NRCAM: variants seen among roughly 807,000 people sequenced by gnomAD.
NRCAM encodes neuronal cell adhesion molecule.
A neutral mutation model predicts 156.5 loss-of-function variants in NRCAM; 83 were observed. That is an observed-to-expected ratio of 0.53 (90% CI 0.44 to 0.64). The LOEUF (loss-of-function observed/expected upper bound fraction) is 0.64. Ranked by LOEUF, NRCAM falls within the 30% of genes least tolerant of loss-of-function variation. The pLI is 0.00. For missense variants in NRCAM, 1,417 were observed against 1,597.3 expected (o/e 0.89, Z 1.92); for synonymous variants, 538 against 563.9 (o/e 0.95, Z 0.65).
chr7:108,185,133 C>T (rs1321245236), intron 20 of NRCAM, among the ~76,000 whole-genome samples: 2 of 152,080 alleles, frequency 1.3e-5, no homozygotes, highest in African/African-American at 2.4e-5. Context: ...TAACACACTT[C>T]GTTGACTATG....
chr7:108,348,905 GAA>G (rs60746037), intron 2 of NRCAM, among the ~76,000 whole-genome samples: 32,641 of 126,078 alleles, frequency 0.26, 4,152 homozygotes, highest in East Asian at 0.45. Context: ...TCCATCTCAG[GAA>G]AAAAAAAAAA....
chr7:108,397,253 A>G (rs898067567), intron 2 of NRCAM, among the ~76,000 whole-genome samples: 5 of 152,208 alleles, frequency 3.3e-5, no homozygotes, highest in African/African-American at 7.2e-5. Flanking sequence ...GTGGACCTTT[A>G]AAGTTCCTGA....
chr7:108,237,666 G>T, intron 5 of NRCAM, 86 bp downstream of exon 5: 1 of 965,090 alleles, frequency 1.0e-6, no homozygotes, highest in Non-Finnish European at 1.5e-6. Context: ...ACATGAAATT[G>T]TGCATTTAAA....
intron 2 of NRCAM, among the ~76,000 whole-genome samples, chr7:108,370,651 A>G (rs530913806): frequency 6.6e-6 from 1 of 152,232 alleles, no homozygotes; most frequent in East Asian, 1.9e-4. Flanking sequence ...TATAATAAAT[A>G]ACTTGTTTTG....
chr7:108,266,485 C>T (rs1422260025), intron 3 of NRCAM, among the ~76,000 whole-genome samples: 1 of 152,196 alleles, frequency 6.6e-6, no homozygotes, highest in Non-Finnish European at 1.5e-5. Flanking sequence ...AGCCACTGCA[C>T]ATGAGGTTTA....
chr7:108,256,100 C>T (rs1182201380), intron 3 of NRCAM, among the ~76,000 whole-genome samples: 113 of 152,232 alleles, frequency 7.4e-4, no homozygotes, highest in African/African-American at 2.6e-3. Context: ...CCCCTCTGCC[C>T]GGCCGCCACC....
chr7:108,443,669 T>G (rs1841111795), intron 1 of NRCAM, among the ~76,000 whole-genome samples: 1 of 152,114 alleles, frequency 6.6e-6, no homozygotes, highest in African/African-American at 2.4e-5. Flanking sequence ...GTGATGAAAA[T>G]TTACACTTGA....
intron 1 of NRCAM, among the ~76,000 whole-genome samples, chr7:108,416,678 T>C (rs896191659): frequency 1.3e-5 from 2 of 152,248 alleles, no homozygotes; most frequent in Non-Finnish European, 2.9e-5. Flanking sequence ...TTGAATTTCA[T>C]GTCTGTATAG....
intron 3 of NRCAM, among the ~76,000 whole-genome samples, chr7:108,248,252 G>T (rs184068961): frequency 3.0e-4 from 45 of 152,242 alleles, no homozygotes; most frequent in African/African-American, 1.0e-3. Context: ...TGGCAAAATG[G>T]CAGCCATTTA....
At chr7:108,399,410 CA>C (rs2099785641) in intron 2 of NRCAM, 25 bp downstream of exon 2, 1 of 152,152 alleles carries the variant, frequency 6.6e-6, no homozygotes, top group South Asian at 2.1e-4. Flanking sequence ...CTTGTAAAGA[CA>C]AAGAGAGAAC....
intron 28 of NRCAM, among the ~76,000 whole-genome samples, chr7:108,172,213 T>G (rs974832417): frequency 2.6e-5 from 4 of 152,166 alleles, no homozygotes; most frequent in African/African-American, 9.7e-5. Context: ...GCCTGCACAT[T>G]TTTGGTTCAT....
chr7:108,313,247 T>G (rs1178475366), intron 2 of NRCAM: 1 of 152,198 alleles, frequency 6.6e-6, no homozygotes, highest in Non-Finnish European at 1.5e-5. Flanking sequence ...TCCCAAGTTC[T>G]GCAGTCTCCA....
chr7:108,448,655 GCA>G (rs1847084273), intron 1 of NRCAM, among the ~76,000 whole-genome samples: 1 of 152,018 alleles, frequency 6.6e-6, no homozygotes, highest in Non-Finnish European at 1.5e-5. Flanking sequence ...TTCTAGTGAT[GCA>G]CACACTAGAA....
chr7:108,154,212 A>G (rs2043453533), intron 32 of NRCAM, among the ~76,000 whole-genome samples: 1 of 152,176 alleles, frequency 6.6e-6, no homozygotes, highest in Admixed American at 6.5e-5. Context: ...TGGTGCAGAG[A>G]TAGACAGATT....
At chr7:108,436,041 G>A (rs1831721598) in intron 1 of NRCAM, among the ~76,000 whole-genome samples, 1 of 152,266 alleles carries the variant, frequency 6.6e-6, no homozygotes, top group Admixed American at 6.5e-5. Flanking sequence ...GGCTGAGGCA[G>A]GAGAATGGCG....
At chr7:108,239,820 GAAGGTAA>G (rs2095414594) in intron 4 of NRCAM, 132 bp downstream of exon 4, 2 of 545,510 alleles carry the variant, frequency 3.7e-6, no homozygotes, top group Non-Finnish European at 6.5e-6. Context: ...ACCAGGTGCT[GAAGGTAA>G]AAGCCAAATT....
At chr7:108,350,980 C>T (rs1279970683) in intron 2 of NRCAM, among the ~76,000 whole-genome samples, 1 of 152,064 alleles carries the variant, frequency 6.6e-6, no homozygotes, top group Non-Finnish European at 1.5e-5. Flanking sequence ...CTGAACAGAG[C>T]CTAGCACAGA....
chr7:108,363,754 C>G (rs1472378522), intron 2 of NRCAM, among the ~76,000 whole-genome samples: 1 of 152,202 alleles, frequency 6.6e-6, no homozygotes, highest in Non-Finnish European at 1.5e-5. Context: ...CACTCTACCT[C>G]TGTGGCCTTA....
intron 16 of NRCAM, 43 bp from the exon 17 acceptor site, chr7:108,194,214 A>C: frequency 6.2e-7 from 1 of 1,611,394 alleles, no homozygotes; most frequent in Non-Finnish European, 8.5e-7. Context: ...AAAGCTGGAG[A>C]ATTTGTTCAA....
Sources: allele counts gnomAD v4.1 joint callset (sites outside exome capture counted in the v4.1 genomes callset), GRCh38; gene constraint gnomAD v4.1.1; transcripts MANE v1.5; gene names NCBI Gene and HGNC (gene_info 2026-07-23, HGNC 2026-07-21).